MKX: variants seen among roughly 807,000 people sequenced by gnomAD.
MKX encodes the protein homeobox protein Mohawk.
MKX carries 13 observed loss-of-function variants against 36.0 expected under a neutral mutation model. The observed-to-expected ratio is 0.36, with a 90% confidence interval of 0.24 to 0.57. MKX has a LOEUF of 0.57. Among genes scored for constraint, MKX ranks in the 20% least tolerant of loss-of-function variants. The pLI is 0.79. For missense variants in MKX, 458 were observed against 456.4 expected (o/e 1.00, Z -0.03); for synonymous variants, 176 against 178.3 (o/e 0.99, Z 0.10).
rs1331792739 is a variant in MKX, at chr10:27,741,022, TC to T, written c.348+322del. The stretch of plus-strand genomic sequence containing the variant: ...ATGGTCTCACCCCAGACCTGCTGAA[TC>T]CGAAACTCGGAGGTGGGGCCTAGCG... On this transcript the variant is annotated intron_variant, in intron 3 of 6. Transcript: ENST00000419761. The surrounding 1 kb of genome is among the most constrained non-coding windows in gnomAD (Gnocchi z 5.1). 2.0e-5 allele frequency among the ~76,000 whole-genome samples: 3 copies of T among 152,172 alleles called. No individual in the cohort carries two copies. Among genetic ancestry groups the T allele is most frequent in the African/African-American group, 7.2e-5 (3 of 41,446 alleles).
chr10:27,704,758 A>T (rs1183245572), intron 5 of MKX, among the ~76,000 whole-genome samples: 1 of 152,206 alleles, frequency 6.6e-6, no homozygotes, highest in South Asian at 2.1e-4. Flanking sequence ...AAATCCTTGA[A>T]GAAAACTTGC....
intron 5 of MKX, among the ~76,000 whole-genome samples, chr10:27,686,420 A>G (rs1836353238): frequency 6.6e-6 from 1 of 150,648 alleles, no homozygotes; most frequent in African/African-American, 2.4e-5. Context: ...GAAGGAAGGA[A>G]GGAAGGAAGG....
chr10:27,681,446 G>A (rs929174782), intron 5 of MKX, among the ~76,000 whole-genome samples: 9 of 149,808 alleles, frequency 6.0e-5, no homozygotes, highest in Admixed American at 2.6e-4. Flanking sequence ...GGACTCCATC[G>A]CAAAACAAAC....
intron 5 of MKX, among the ~76,000 whole-genome samples, chr10:27,706,806 GA>G (rs1321940736): frequency 6.6e-6 from 1 of 152,144 alleles, no homozygotes; most frequent in Non-Finnish European, 1.5e-5. Flanking sequence ...GAGGGGAAAA[GA>G]AGTATCTATA....
chr10:27,695,547 T>C (rs1392348348), intron 5 of MKX, among the ~76,000 whole-genome samples: 2 of 152,120 alleles, frequency 1.3e-5, no homozygotes, highest in African/African-American at 4.8e-5. Context: ...AGATAGATGG[T>C]TTGTTAGGCA....
chr10:27,726,812 A>T (rs1314272306), intron 5 of MKX, among the ~76,000 whole-genome samples: 6 of 151,862 alleles, frequency 4.0e-5, no homozygotes, highest in Admixed American at 3.9e-4. Context: ...GTTCACAGAC[A>T]CAGATCAACA....
intron 5 of MKX, among the ~76,000 whole-genome samples, chr10:27,694,529 T>A (rs28379622): frequency 2.0e-3 from 53 of 27,166 alleles, no homozygotes; most frequent in Middle Eastern, 0.019. Flanking sequence ...AAAAAAAAAA[T>A]ATATATATAT....
chr10:27,674,612 T>C lies in MKX; in HGVS notation c.*617A>G, dbSNP rs1836107445. 6.6e-6 allele frequency: 1 copy of C among 152,254 alleles called. No individual in the cohort carries two copies. Among genetic ancestry groups the C allele is most frequent in the Non-Finnish European group, 1.5e-5 (1 of 68,032 alleles). 9.4% of individuals were successfully genotyped at this position (152,254 alleles called of 1,614,324 possible). On this transcript the variant is annotated 3_prime_UTR_variant, in exon 7 of 7. Transcript: ENST00000419761. ...AAATTAGCTTGAAGGAATCACTTCT[T>C]AAATGTACAACGTTCTGTGGATCGC...
intron 5 of MKX, among the ~76,000 whole-genome samples, chr10:27,694,516 T>TAA (rs57248902): frequency 1.3e-4 from 15 of 111,502 alleles, no homozygotes; most frequent in South Asian, 3.3e-4. Context: ...CCGTCTCTAC[T>TAA]AAAAAAAAAA....
At chr10:27,675,925 G>A (rs1836138725) in intron 5 of MKX, among the ~76,000 whole-genome samples, 1 of 152,150 alleles carries the variant, frequency 6.6e-6, no homozygotes, top group Non-Finnish European at 1.5e-5. Context: ...GTAACCTGGG[G>A]GCAGATTATG....
intron 5 of MKX, among the ~76,000 whole-genome samples, chr10:27,721,099 G>C (rs1457441566): frequency 6.6e-6 from 1 of 152,116 alleles, no homozygotes; most frequent in Non-Finnish European, 1.5e-5. Flanking sequence ...CCCTCAGTGG[G>C]AAGATTTGAT....
At chr10:27,720,923 G>A (rs892190929) in intron 5 of MKX, among the ~76,000 whole-genome samples, 15 of 152,026 alleles carry the variant, frequency 9.9e-5, no homozygotes, top group East Asian at 1.9e-4. Flanking sequence ...CAGCTTTCCC[G>A]TATATCCATT....
intron 5 of MKX, among the ~76,000 whole-genome samples, chr10:27,726,594 TCCTTG>T (rs2132624623): frequency 6.6e-6 from 1 of 152,282 alleles, no homozygotes; most frequent in East Asian, 1.9e-4. Flanking sequence ...CCATTTTTCA[TCCTTG>T]CATTTCTCTG....
At position 27,673,655 on chromosome 10, in the gene MKX, A is replaced by C. The variant is rs1342396320; in HGVS notation, c.*1574T>G. On this transcript the variant is annotated 3_prime_UTR_variant, in exon 7 of 7. Transcript: ENST00000419761. Reference sequence around the variant, plus strand: ...ACAAAGTAAAAATATATATATATACACAAAATATTTTTATATCAAATTATC... The same window carrying C: ...ACAAAGTAAAAATATATATATATACCCAAAATATTTTTATATCAAATTATC... 1 of 152,494 alleles carries C rather than the reference A, an allele frequency of 6.6e-6. No individual in the cohort carries two copies. The highest frequency in any genetic ancestry group is 1.5e-5 in the Non-Finnish European group (1 of 67,994). 9.4% of individuals were successfully genotyped at this position (152,494 alleles called of 1,614,324 possible).
chr10:27,741,531 C>T lies in MKX; in HGVS notation c.189-27G>A, dbSNP rs1234022383. 6.5e-7 allele frequency: 1 copy of T among 1,546,158 alleles called. No individual in the cohort carries two copies. Among genetic ancestry groups the T allele is most frequent in the Non-Finnish European group, 8.7e-7 (1 of 1,152,840 alleles). On this transcript the variant is annotated intron_variant, in intron 2 of 6. Coordinates refer to ENST00000419761, the MANE Select transcript of MKX (RefSeq NM_173576.3). This position sits in a 1 kb window ranked among gnomAD's most constrained non-coding sequence, Gnocchi z 5.1. ...TGGGACATGGGGAGAGGAGGCGGCC[C>T]TGGTGAGCGACGCGTTTGCCCGCCC...
intron 5 of MKX, among the ~76,000 whole-genome samples, chr10:27,691,309 G>C (rs1836449524): frequency 6.6e-6 from 1 of 152,124 alleles, no homozygotes; most frequent in Non-Finnish European, 1.5e-5. Context: ...AAGCTCCTCA[G>C]GTGTTCCGAT....
At chr10:27,716,986 CA>C (rs887795560) in intron 5 of MKX, among the ~76,000 whole-genome samples, 2 of 151,980 alleles carry the variant, frequency 1.3e-5, no homozygotes, top group African/African-American at 4.8e-5. Context: ...TGGGGGAAGG[CA>C]GGGGGAGAAG....
chr10:27,725,006 G>A (rs1471394130), intron 5 of MKX, among the ~76,000 whole-genome samples: 2 of 152,096 alleles, frequency 1.3e-5, no homozygotes, highest in East Asian at 1.9e-4. Context: ...GTTCTCAAAA[G>A]TTCAACACTA....
intron 3 of MKX, among the ~76,000 whole-genome samples, chr10:27,735,665 C>T (rs1834750325): frequency 1.3e-5 from 2 of 151,970 alleles, no homozygotes; most frequent in African/African-American, 4.8e-5. Context: ...ATACAAATAA[C>T]TAGTATAAGA....
Sources: allele counts gnomAD v4.1 joint callset (sites outside exome capture counted in the v4.1 genomes callset), GRCh38; gene constraint gnomAD v4.1.1; non-coding constraint Gnocchi (gnomAD v3.1); transcripts MANE v1.5; gene names NCBI Gene and HGNC (gene_info 2026-07-23, HGNC 2026-07-21).